The following RIMKLB variants were observed in gnomAD, a reference collection of about 807,000 sequenced individuals.
RIMKLB encodes beta-citrylglutamate synthase B.
RIMKLB carries 7 observed loss-of-function variants against 32.0 expected under a neutral mutation model. That is an observed-to-expected ratio of 0.22 (90% CI 0.12 to 0.41). The LOEUF (loss-of-function observed/expected upper bound fraction) is 0.41, where lower values mean the gene tolerates loss of function less well. Among genes scored for constraint, RIMKLB ranks in the 10% least tolerant of loss-of-function variants. The probability of loss-of-function intolerance (pLI) is 1.00; values close to 1 mark genes in which losing one functional copy is unlikely to be tolerated. For synonymous variants in RIMKLB, 172 were observed against 185.1 expected (o/e 0.93, Z 0.57); for missense variants, 289 against 498.7 (o/e 0.58, Z 4.00).
At chr12:8,682,453 G>A (rs942361951) in intron 1 of RIMKLB, among the ~76,000 whole-genome samples, 2 of 152,138 alleles carry the variant, frequency 1.3e-5, no homozygotes, top group Non-Finnish European at 2.9e-5. Context: ...ATTTTAAAAT[G>A]ATGAGTCAGT....
upstream of RIMKLB, among the ~76,000 whole-genome samples, chr12:8,677,455 C>A (rs995645765): frequency 6.6e-6 from 1 of 152,142 alleles, no homozygotes; most frequent in African/African-American, 2.4e-5. Context: ...TCAAATCCAT[C>A]CATCCTCTAT....
upstream of RIMKLB, among the ~76,000 whole-genome samples, chr12:8,696,371 T>C (rs1002830818): frequency 3.3e-5 from 5 of 152,236 alleles, no homozygotes; most frequent in African/African-American, 1.2e-4. Context: ...GTTCTCAAGA[T>C]AGTGTATCTA....
intron 1 of RIMKLB, among the ~76,000 whole-genome samples, chr12:8,702,789 G>A (rs1285664933): frequency 1.3e-5 from 2 of 152,106 alleles, no homozygotes; most frequent in African/African-American, 4.8e-5. Flanking sequence ...GTAAAGCCTT[G>A]GGCTTGAGAG....
Position 8,773,913 on chromosome 12 carries a change from GGA to G in RIMKLB, c.*135_*136del, listed in dbSNP as rs1950582715. 2.1e-6 allele frequency: 3 copies of G among 1,438,538 alleles called. No individual in the cohort carries two copies. The highest frequency in any genetic ancestry group is 2.5e-5 in the East Asian group (1 of 40,042). 89.1% of individuals were successfully genotyped at this position (1,438,538 alleles called of 1,614,324 possible). A position where few individuals can be genotyped will look rare whatever the true frequency, so the allele number is the denominator to read the frequency against. ...TGAGAGAAAATTAGTAGGATTAGTT[GGA>G]GAGAGTGGGAGATAGATGAGACCTC... is the stretch of plus-strand genomic sequence containing the variant. On this transcript the variant is annotated 3_prime_UTR_variant, in exon 6 of 6. Coordinates refer to ENST00000535829, the MANE Select transcript of RIMKLB (RefSeq NM_001297776.2).
At chr12:8,772,485 G>A (rs1324892273) in intron 5 of RIMKLB, among the ~76,000 whole-genome samples, 1 of 152,194 alleles carries the variant, frequency 6.6e-6, no homozygotes, top group Non-Finnish European at 1.5e-5. Context: ...CTCAGTCTTA[G>A]AAGTGCTGTG....
At chr12:8,716,961 T>G (rs1407033681) in intron 2 of RIMKLB, among the ~76,000 whole-genome samples, 1 of 151,658 alleles carries the variant, frequency 6.6e-6, no homozygotes, top group Non-Finnish European at 1.5e-5. Flanking sequence ...TTCAGAAGCT[T>G]ACTTTTCCCC....
At chr12:8,773,248 C>T in intron 5 of RIMKLB, 73 bp from the exon 6 acceptor site, 2 of 1,086,428 alleles carry the variant, frequency 1.8e-6, no homozygotes, top group Non-Finnish European at 2.8e-6. Context: ...AAGGCTTAGC[C>T]TTGGAGGCCA....
intron 5 of RIMKLB, among the ~76,000 whole-genome samples, chr12:8,759,408 A>G (rs1051682541): frequency 6.6e-6 from 1 of 152,118 alleles, no homozygotes. Flanking sequence ...ATAATCAATC[A>G]GATTACTTTT....
Position 8,715,129 on chromosome 12 carries a change from T to C in RIMKLB, c.175+1088T>C, listed in dbSNP as rs187550046. Among the ~76,000 whole-genome samples, 9 of 152,332 alleles carry C rather than the reference T, an allele frequency of 5.9e-5. 1 individual carries two copies. The highest frequency in any genetic ancestry group is 2.2e-4 in the African/African-American group (9 of 41,584). On this transcript the variant is annotated intron_variant, in intron 2 of 5. Coordinates refer to ENST00000535829, the MANE Select transcript of RIMKLB (RefSeq NM_001297776.2). ...AGCATCACTTTTATTTTCAATCCTC[T>C]TGTAACATTTATTTATTTCATCCAC... is the stretch of plus-strand genomic sequence containing the variant.
intron 2 of RIMKLB, among the ~76,000 whole-genome samples, chr12:8,722,882 C>T (rs1246904189): frequency 2.0e-5 from 3 of 152,238 alleles, no homozygotes; most frequent in South Asian, 2.1e-4. Context: ...CCTTCACCTC[C>T]GTCAGCCTTC....
intron 2 of RIMKLB, among the ~76,000 whole-genome samples, chr12:8,747,487 A>C (rs1021030616): frequency 6.6e-6 from 1 of 152,084 alleles, no homozygotes; most frequent in Non-Finnish European, 1.5e-5. Flanking sequence ...AACTATTACC[A>C]TGTTTAAAAG....
intron 5 of RIMKLB, among the ~76,000 whole-genome samples, chr12:8,762,865 C>A (rs1296823022): frequency 6.6e-6 from 1 of 152,152 alleles, no homozygotes; most frequent in Non-Finnish European, 1.5e-5. Context: ...CGGGATCAGT[C>A]AAGGGAACCT....
rs1051975459 is a variant in RIMKLB at position 8,765,945 on chromosome 12, T to A, written c.698-7376T>A. Among the ~76,000 whole-genome samples the A allele has an allele frequency of 3.9e-5, 6 of 152,274 alleles. No homozygotes were observed. In the East Asian group the frequency reaches 1.2e-3, roughly 29 times the overall value. ...AGCTGTAAGATGTTATAATTTATAC[T>A]TCCGTCGGGAGGCCAGGTTTCTCCC... On this transcript the variant is annotated intron_variant, in intron 5 of 5. Coordinates refer to ENST00000535829, the MANE Select transcript of RIMKLB (RefSeq NM_001297776.2).
intron 2 of RIMKLB, among the ~76,000 whole-genome samples, chr12:8,722,247 C>A (rs1378789735): frequency 6.7e-6 from 1 of 148,426 alleles, no homozygotes; most frequent in East Asian, 1.9e-4. Flanking sequence ...ACTTCTTGAT[C>A]CATGGGCTTG....
chr12:8,751,040 G>T (rs1948583265), intron 3 of RIMKLB, among the ~76,000 whole-genome samples: 1 of 152,130 alleles, frequency 6.6e-6, no homozygotes, highest in African/African-American at 2.4e-5. Context: ...AGCCTGTATG[G>T]CATGTGTGGA....
intron 2 of RIMKLB, among the ~76,000 whole-genome samples, chr12:8,720,793 G>A (rs890697844): frequency 1.3e-5 from 2 of 152,150 alleles, no homozygotes; most frequent in Admixed American, 6.5e-5. Flanking sequence ...GCCCCCCTCG[G>A]CTTCCCAAAG....
chr12:8,672,611 C>T, the RIMKLB span, among the ~76,000 whole-genome samples: 1 of 151,878 alleles, frequency 6.6e-6, no homozygotes. Context: ...GATGACCCCC[C>T]CATGATACAA....
rs373598382 is a variant in RIMKLB, at chr12:8,747,900, C to T, written c.176-1962C>T. On this transcript the variant is annotated intron_variant, in intron 2 of 5. Transcript: ENST00000535829. Reference sequence around the variant, plus strand: ...CCTCCCGAGTAGCTGAGATTACAGGCATGCACCACCACACCTGGCTAATTT... The same window carrying T: ...CCTCCCGAGTAGCTGAGATTACAGGTATGCACCACCACACCTGGCTAATTT... 5.9e-5 allele frequency among the ~76,000 whole-genome samples: 9 copies of T among 152,064 alleles called. No homozygotes were observed. In the East Asian group the frequency reaches 1.6e-3, roughly 26 times the overall value.
At chr12:8,745,313 T>G (rs1403183928) in intron 2 of RIMKLB, among the ~76,000 whole-genome samples, 1 of 151,736 alleles carries the variant, frequency 6.6e-6, no homozygotes, top group East Asian at 1.9e-4. Flanking sequence ...CTGGCTCTTA[T>G]TGAGGTCCTA....
Sources: allele counts gnomAD v4.1 joint callset (sites outside exome capture counted in the v4.1 genomes callset), GRCh38; gene constraint gnomAD v4.1.1; transcripts MANE v1.5; gene names NCBI Gene and HGNC (gene_info 2026-07-23, HGNC 2026-07-21).